The following AKAP13 variants were observed in gnomAD, a reference collection of about 807,000 sequenced individuals.
AKAP13 encodes A-kinase anchor protein 13.
AKAP13 carries 80 observed loss-of-function variants against 264.5 expected under a neutral mutation model. That is an observed-to-expected ratio of 0.30 (90% confidence interval 0.25 to 0.36). The LOEUF (loss-of-function observed/expected upper bound fraction) is 0.36, where lower values mean the gene tolerates loss of function less well. Ranked by LOEUF, AKAP13 falls within the 10% of genes least tolerant of loss-of-function variation. The probability of loss-of-function intolerance (pLI) is 1.00; values close to 1 mark genes in which losing one functional copy is unlikely to be tolerated. For missense variants in AKAP13, 3,712 were observed against 3,435.2 expected (o/e 1.08, Z -2.01); for synonymous variants, 1,380 against 1,250.2 (o/e 1.10, Z -2.19).
Position 85,749,096 on chromosome 15 carries a change from A to G in AKAP13, c.*4419A>G, listed in dbSNP as rs954145882. The G allele has an allele frequency of 6.6e-6, 1 of 152,250 alleles. No individual in the cohort carries two copies. Among genetic ancestry groups the G allele is most frequent in the African/African-American group, 2.4e-5 (1 of 41,462 alleles). 9.4% of individuals were successfully genotyped at this position (152,250 alleles called of 1,614,324 possible). A position where few individuals can be genotyped will look rare whatever the true frequency, so the allele number is the denominator to read the frequency against. ...CCTCTGCTCTCATTGCTTGTTTGCA[A>G]ATGCTCTATGGACATTTGTGTGCTA... On this transcript the variant is annotated 3_prime_UTR_variant, in exon 37 of 37. Transcript: ENST00000394518.
chr15:85,517,774 C>T (rs992029104), intron 2 of AKAP13, among the ~76,000 whole-genome samples: 3 of 152,030 alleles, frequency 2.0e-5, no homozygotes, highest in African/African-American at 7.3e-5. Context: ...CAGAATAAGG[C>T]CTAGTATAGA....
chr15:85,541,310 G>C (rs577450115), intron 4 of AKAP13, among the ~76,000 whole-genome samples: 1 of 152,230 alleles, frequency 6.6e-6, no homozygotes, highest in South Asian at 2.1e-4. Context: ...TGGATCGATG[G>C]GGAAATAGAA....
At chr15:85,624,689 T>TCC (rs996493501) in intron 8 of AKAP13, 1 of 152,236 alleles carries the variant, frequency 6.6e-6, no homozygotes, top group African/African-American at 2.4e-5. Flanking sequence ...TAAATATGGT[T>TCC]AGTGGCTGGG....
chr15:85,477,626 C>G (rs1370920814), intron 1 of AKAP13, among the ~76,000 whole-genome samples: 3 of 99,090 alleles, frequency 3.0e-5, no homozygotes, highest in Non-Finnish European at 5.8e-5. Context: ...TTGAACTGAG[C>G]TTAAAAAAAG....
intron 19 of AKAP13, among the ~76,000 whole-genome samples, chr15:85,711,765 G>A (rs535956276): frequency 3.5e-4 from 54 of 152,220 alleles, no homozygotes; most frequent in Non-Finnish European, 6.9e-4. Context: ...AAGATTCTTG[G>A]GCCCCACCCT....
At chr15:85,571,566 C>T (rs1432625102) in intron 5 of AKAP13, among the ~76,000 whole-genome samples, 2 of 152,246 alleles carry the variant, frequency 1.3e-5, no homozygotes, top group Admixed American at 1.3e-4. Context: ...TGAAATGTCA[C>T]ATTAATGAGG....
At chr15:85,662,807 C>G (rs1322180506) in intron 12 of AKAP13, among the ~76,000 whole-genome samples, 1 of 152,198 alleles carries the variant, frequency 6.6e-6, no homozygotes, top group Non-Finnish European at 1.5e-5. Context: ...GCACTGATTT[C>G]TATTATGCTT....
rs551864313 is a variant in AKAP13 at position 85,490,528 on chromosome 15, A to G, written c.33+4775A>G. ...AATAGATGAGCTCTTTGAGAAGCTA[A>G]AAGAGTGGATGGAATTAGTATAGTG... On this transcript the variant is annotated intron_variant, in intron 2 of 36. Transcript: ENST00000394518. 4.6e-5 allele frequency among the ~76,000 whole-genome samples: 7 copies of G among 152,378 alleles called. No individual in the cohort carries two copies. The South Asian group carries it at 1.4e-3, about 32-fold the overall frequency.
At position 85,575,211 on chromosome 15, in the gene AKAP13, G is replaced by C; in HGVS notation, c.743G>C (p.Arg248Pro). 1.9e-6 allele frequency: 3 copies of C among 1,614,096 alleles called. No homozygotes were observed. The highest frequency in any genetic ancestry group is 2.2e-5 in the South Asian group (2 of 91,074). ...GGAGACTGTTCTGTGAGGCATCATC[G>C]AGAGTTGGACATCTATACATTAACC... ...PYGDCSVRHH[R>P]ELDIYTLTSE... Residue 248 changes from arginine (R) to proline (P), a missense_variant, in exon 6 of 37, where the codon CGA (arginine) becomes CCA (proline). Arg to Pro is a moderately radical substitution (Grantham distance 103). Coordinates refer to ENST00000394518, the MANE Select transcript of AKAP13 (RefSeq NM_007200.5).
At chr15:85,633,889 A>G (rs1567166716) in intron 8 of AKAP13, among the ~76,000 whole-genome samples, 1 of 151,854 alleles carries the variant, frequency 6.6e-6, no homozygotes, top group Non-Finnish European at 1.5e-5. Context: ...TCTTTGAAAG[A>G]TGTGGATAGG....
At chr15:85,668,349 A>G (rs965015287) in intron 13 of AKAP13, among the ~76,000 whole-genome samples, 8 of 152,192 alleles carry the variant, frequency 5.3e-5, no homozygotes, top group Non-Finnish European at 8.8e-5. Flanking sequence ...GATTAATGAT[A>G]AAGTCAGTTA....
intron 17 of AKAP13, among the ~76,000 whole-genome samples, chr15:85,706,037 C>G (rs1311983836): frequency 6.6e-6 from 1 of 152,192 alleles, no homozygotes; most frequent in Non-Finnish European, 1.5e-5. Flanking sequence ...TTTGCCTTTT[C>G]ATAGTCTTTT....
Position 85,719,212 on chromosome 15 carries a change from C to T in AKAP13, c.6138C>T (p.Ile2046=). ...TGTTCCCCTGTTTGGATGAGCTGATCAGTATCCATAGCCAATTCTTCCAGA... is the reference window on the plus strand; with the variant it reads ...TGTTCCCCTGTTTGGATGAGCTGATTAGTATCCATAGCCAATTCTTCCAGA... The part of the protein sequence containing the change: ...EKLFPCLDEL[I]SIHSQFFQRI... Residue 2046 remains isoleucine (I), a synonymous_variant, in exon 23 of 37, where the codon ATC becomes ATT. Transcript: ENST00000394518. 2 of 1,614,142 alleles carry T rather than the reference C, an allele frequency of 1.2e-6. No individual in the cohort carries two copies. The highest frequency in any genetic ancestry group is 1.1e-5 in the South Asian group (1 of 91,076).
chr15:85,687,948 G>A (rs1025721403), intron 16 of AKAP13, among the ~76,000 whole-genome samples: 7 of 150,450 alleles, frequency 4.7e-5, no homozygotes, highest in African/African-American at 1.5e-4. Context: ...GCTGAGGCAA[G>A]AGGATCACTT....
intron 16 of AKAP13, among the ~76,000 whole-genome samples, chr15:85,687,268 T>TAA (rs1455104859): frequency 1.3e-5 from 2 of 152,234 alleles, no homozygotes; most frequent in African/African-American, 4.8e-5. Flanking sequence ...CAGGAAGTAG[T>TAA]ACTCATCATT....
At chr15:85,649,589 GGCCTCA>G (rs2082712498) in intron 10 of AKAP13, among the ~76,000 whole-genome samples, 1 of 152,142 alleles carries the variant, frequency 6.6e-6, no homozygotes, top group Non-Finnish European at 1.5e-5. Flanking sequence ...TTGTGTCTCT[GGCCTCA>G]CAGAGGTCTT....
chr15:85,559,281 G>C (rs1357200989), intron 5 of AKAP13, among the ~76,000 whole-genome samples: 1 of 152,128 alleles, frequency 6.6e-6, no homozygotes, highest in Non-Finnish European at 1.5e-5. Flanking sequence ...TTCTGACATA[G>C]ATCAACCTAG....
chr15:85,495,494 G>A (rs1217615935), intron 2 of AKAP13, among the ~76,000 whole-genome samples: 1 of 152,076 alleles, frequency 6.6e-6, no homozygotes, highest in Non-Finnish European at 1.5e-5. Flanking sequence ...TTGCTTTTTT[G>A]TGTCTCTTAA....
At chr15:85,683,870 A>G (rs1341112506) in intron 15 of AKAP13, among the ~76,000 whole-genome samples, 1 of 152,218 alleles carries the variant, frequency 6.6e-6, no homozygotes, top group African/African-American at 2.4e-5. Flanking sequence ...TTGAACAGGT[A>G]GATCACTGAA....
Sources: gnomAD v4.1 joint callset for allele counts (sites outside exome capture counted in the v4.1 genomes callset) on GRCh38, gnomAD v4.1.1 for gene constraint, MANE v1.5 for transcripts, NCBI Gene and HGNC (gene_info 2026-07-23, HGNC 2026-07-21) for gene names.